The following LARS2 variants were observed in gnomAD, a reference collection of about 807,000 sequenced individuals.
LARS2 encodes the protein leucine--tRNA ligase, mitochondrial.
A neutral mutation model predicts 116.6 loss-of-function variants in LARS2; 81 were observed. The observed-to-expected ratio is 0.69, with a 90% CI of 0.58 to 0.84. LARS2 has a LOEUF of 0.84. LARS2 is among the 40% of genes least tolerant of loss of function. The pLI, the probability that LARS2 is intolerant of heterozygous loss-of-function variation, is 0.00. For missense variants in LARS2, 968 were observed against 1,114.5 expected (o/e 0.87, Z 1.87); for synonymous variants, 396 against 407.2 (o/e 0.97, Z 0.33).
In LARS2 at chr3:45,400,253, G is replaced by T. The variant is rs1005358698; in HGVS notation, c.243G>T (p.Lys81Asn). The T allele has an allele frequency of 6.2e-7, 1 of 1,612,968 alleles. No homozygotes were observed. Among genetic ancestry groups the T allele is most frequent in the Admixed American group, 1.7e-5 (1 of 59,724 alleles). Residue 81 changes from lysine (K) to asparagine (N), a missense_variant, in exon 4 of 22, where the codon AAG (lysine) becomes AAT (asparagine). Coordinates refer to ENST00000645846, the MANE Select transcript of LARS2 (RefSeq NM_015340.4). ...TTGTCGTTCTTTCCTAGAAATCGAA[G>T]CCAAAATTTTACGTGCTTTCCATGT... ...ASKISEADKS[K>N]PKFYVLSMFP...
chr3:45,474,007 G>A (rs999107798), intron 8 of LARS2, among the ~76,000 whole-genome samples: 1 of 152,102 alleles, frequency 6.6e-6, no homozygotes, highest in Non-Finnish European at 1.5e-5. Flanking sequence ...CCGTGAAACC[G>A]TGACTCCCTT....
chr3:45,465,280 C>T (rs1166064968), intron 8 of LARS2, among the ~76,000 whole-genome samples: 1 of 152,228 alleles, frequency 6.6e-6, no homozygotes, highest in Admixed American at 6.5e-5. Context: ...TCTCCAGCGT[C>T]TTTTCTCTCC....
chr3:45,509,716 T>A (rs1700255833), intron 15 of LARS2, among the ~76,000 whole-genome samples: 1 of 151,988 alleles, frequency 6.6e-6, no homozygotes, highest in Non-Finnish European at 1.5e-5. Context: ...CCCAACTCCC[T>A]ATAGCCCATT....
chr3:45,545,928 C>T (rs1575325112), intron 21 of LARS2, among the ~76,000 whole-genome samples: 1 of 151,056 alleles, frequency 6.6e-6, no homozygotes, highest in South Asian at 2.1e-4. Flanking sequence ...ACAGGTTATT[C>T]ACTCCAGAAT....
chr3:45,470,287 G>A lies in LARS2; in HGVS notation c.751-3956G>A, dbSNP rs1446805944. ...TTGAAGAGAAAGTCATATTAGCCGCGTTATATTTAATCCTCTTTTTATCCC... is the reference window on the plus strand; with the variant it reads ...TTGAAGAGAAAGTCATATTAGCCGCATTATATTTAATCCTCTTTTTATCCC... On this transcript the variant is annotated intron_variant, in intron 8 of 21. Transcript: ENST00000645846. 4.6e-5 allele frequency among the ~76,000 whole-genome samples: 7 copies of A among 152,230 alleles called. 1 individual carries two copies. The highest frequency in any genetic ancestry group is 7.2e-5 in the African/African-American group (3 of 41,538).
At chr3:45,465,813 T>A (rs3774692) in intron 8 of LARS2, among the ~76,000 whole-genome samples, 38,962 of 152,160 alleles carry the variant, frequency 0.26, 5,349 homozygotes, top group Middle Eastern at 0.4. Flanking sequence ...CAATGCCTAG[T>A]CACATCTGTA....
chr3:45,425,139 T>G (rs1436108790), intron 6 of LARS2, among the ~76,000 whole-genome samples: 1 of 152,230 alleles, frequency 6.6e-6, no homozygotes, highest in African/African-American at 2.4e-5. Flanking sequence ...TTCATAGATC[T>G]TATATGTTCA....
At chr3:45,414,866 C>G (rs1481700161) in intron 4 of LARS2, among the ~76,000 whole-genome samples, 1 of 152,186 alleles carries the variant, frequency 6.6e-6, no homozygotes, top group African/African-American at 2.4e-5. Context: ...CAGTCCTTCC[C>G]CACAGGCAGG....
At chr3:45,392,302 C>CTTTTTT (rs749403733) in intron 2 of LARS2, among the ~76,000 whole-genome samples, 1 of 138,222 alleles carries the variant, frequency 7.2e-6, no homozygotes, top group Non-Finnish European at 1.6e-5. Context: ...TCTTTTTTAT[C>CTTTTTT]TTTTTTTTTT....
At chr3:45,432,630 C>CA (rs1698738225) in intron 6 of LARS2, among the ~76,000 whole-genome samples, 1 of 151,588 alleles carries the variant, frequency 6.6e-6, no homozygotes, top group Non-Finnish European at 1.5e-5. Flanking sequence ...TGGAATATAG[C>CA]AAAAAAGAGC....
At chr3:45,417,708 A>G (rs1001969780) in intron 5 of LARS2, 135 bp downstream of exon 5, 3 of 604,298 alleles carry the variant, frequency 5.0e-6, no homozygotes, top group African/African-American at 3.7e-5. Context: ...GATTGTGTAT[A>G]TTGGTGTTTG....
chr3:45,523,942 TA>T (rs1700493313), intron 19 of LARS2, 54 bp from the exon 20 acceptor site: 1 of 1,283,630 alleles, frequency 7.8e-7, no homozygotes, highest in African/African-American at 1.5e-5. Flanking sequence ...TGGTCTTTCT[TA>T]CCCGTGCTTA....
At chr3:45,530,971 C>T (rs1700605968) in intron 20 of LARS2, among the ~76,000 whole-genome samples, 1 of 152,216 alleles carries the variant, frequency 6.6e-6, no homozygotes, top group Non-Finnish European at 1.5e-5. Context: ...GAAGGTTTCA[C>T]ATCTTTACCT....
At chr3:45,439,536 A>G (rs1368405771) in intron 6 of LARS2, among the ~76,000 whole-genome samples, 1 of 151,676 alleles carries the variant, frequency 6.6e-6, no homozygotes, top group Admixed American at 6.6e-5. Flanking sequence ...GCATTTTTAA[A>G]CAGCTGGCCA....
chr3:45,508,337 G>A (rs1375589306), intron 15 of LARS2, among the ~76,000 whole-genome samples: 2 of 152,022 alleles, frequency 1.3e-5, no homozygotes, highest in East Asian at 3.9e-4. Flanking sequence ...AAAAGGAACA[G>A]GAAGGGAAGA....
chr3:45,455,152 A>T (rs1284607512), intron 7 of LARS2, among the ~76,000 whole-genome samples: 3 of 148,084 alleles, frequency 2.0e-5, no homozygotes, highest in Non-Finnish European at 1.5e-5. Flanking sequence ...CTTTCATTCA[A>T]TGCTTGGGTT....
At chr3:45,440,317 C>T (rs961134032) in intron 6 of LARS2, among the ~76,000 whole-genome samples, 8 of 152,324 alleles carry the variant, frequency 5.3e-5, no homozygotes, top group African/African-American at 7.2e-5. Flanking sequence ...GCATAAAAGA[C>T]AAAGCCATCA....
chr3:45,504,110 T>C (rs1267803281), intron 15 of LARS2, among the ~76,000 whole-genome samples: 1 of 152,086 alleles, frequency 6.6e-6, no homozygotes, highest in Non-Finnish European at 1.5e-5. Flanking sequence ...TATTCCCTCA[T>C]ATGGATATAC....
intron 6 of LARS2, among the ~76,000 whole-genome samples, chr3:45,422,621 C>T (rs866643266): frequency 1.3e-4 from 20 of 152,272 alleles, no homozygotes; most frequent in African/African-American, 4.1e-4. Flanking sequence ...CAAGTTATTT[C>T]GTCCTATCAT....
Sources: allele counts gnomAD v4.1 joint callset (sites outside exome capture counted in the v4.1 genomes callset), GRCh38; gene constraint gnomAD v4.1.1; transcripts MANE v1.5; gene names NCBI Gene and HGNC (gene_info 2026-07-23, HGNC 2026-07-21).